Variants in ABCA13 observed in about 807,000 individuals in gnomAD.
The protein encoded by ABCA13 is ATP binding cassette subfamily A member 13.
In ABCA13, 476 loss-of-function variants were observed where a neutral mutation model predicts 478.7. That is an observed-to-expected ratio of 0.99 (90% CI 0.92 to 1.07). The LOEUF (loss-of-function observed/expected upper bound fraction) is 1.07. ABCA13 is among the 50% of genes least tolerant of loss of function. The probability of loss-of-function intolerance (pLI) is 0.00; values close to 1 mark genes in which losing one functional copy is unlikely to be tolerated. For missense variants in ABCA13, 6,060 were observed against 5,910.6 expected (o/e 1.03, Z -0.83); for synonymous variants, 2,252 against 2,158.9 (o/e 1.04, Z -1.20).
At chr7:48,218,091 T>A (rs1786766456) in intron 3 of ABCA13, among the ~76,000 whole-genome samples, 1 of 152,234 alleles carries the variant, frequency 6.6e-6, no homozygotes, top group South Asian at 2.1e-4. Flanking sequence ...TAATGATAGT[T>A]CCTAATTTGG....
At position 48,502,124 on chromosome 7, in the gene ABCA13, A is replaced by C. The variant is rs182568694; in HGVS notation, c.13292-4212A>C. On this transcript the variant is annotated intron_variant, in intron 48 of 61. Coordinates refer to ENST00000435803, the MANE Select transcript of ABCA13 (RefSeq NM_152701.5). ...GCTTCCTTAACACAATTTCACCATC[A>C]GATTACTGAATGAGAAAATGTATTA... 6.5e-3 allele frequency among the ~76,000 whole-genome samples: 994 copies of C among 152,334 alleles called. 8 individuals are homozygous for C. Among genetic ancestry groups the C allele is most frequent in the African/African-American group, 0.022 (932 of 41,588 alleles).
intron 22 of ABCA13, among the ~76,000 whole-genome samples, chr7:48,298,038 C>T (rs1799648915): frequency 1.3e-5 from 2 of 151,878 alleles, no homozygotes; most frequent in South Asian, 4.2e-4. Context: ...CCACCTCGGC[C>T]TCCCAAAGTG....
intron 57 of ABCA13, among the ~76,000 whole-genome samples, chr7:48,587,706 TGGATATGATGTTGAGAGTA>T (rs903049566): frequency 6.6e-6 from 1 of 152,146 alleles, no homozygotes; most frequent in Non-Finnish European, 1.5e-5. Context: ...GAGTGAAGGA[TGGATATGATGTTGAGAGTA>T]GGGAAGAAAA....
At chr7:48,177,341 C>G (rs141737765) in intron 1 of ABCA13, among the ~76,000 whole-genome samples, 140,907 of 152,282 alleles carry the variant, frequency 0.93, 65,912 homozygotes, top group Non-Finnish European at 0.99. Context: ...GAACTAACTA[C>G]TCTTGAACTG....
chr7:48,239,437 A>G, intron 9 of ABCA13, 32 bp downstream of exon 9: 1 of 1,558,064 alleles, frequency 6.4e-7, no homozygotes, highest in South Asian at 1.2e-5. Context: ...TTCTGTTCAA[A>G]GGTGTGCCAG....
intron 3 of ABCA13, among the ~76,000 whole-genome samples, chr7:48,210,246 T>C (rs960420490): frequency 1.3e-5 from 2 of 152,016 alleles, no homozygotes; most frequent in African/African-American, 4.8e-5. Context: ...AAAAAGCCCC[T>C]TATAAAACCG....
intron 1 of ABCA13, among the ~76,000 whole-genome samples, chr7:48,183,244 T>C (rs562595314): frequency 6.6e-6 from 1 of 152,322 alleles, no homozygotes; most frequent in South Asian, 2.1e-4. Flanking sequence ...TTTGTGGTTT[T>C]TAGTTGCAAC....
chr7:48,376,333 G>A, intron 34 of ABCA13, 108 bp from the exon 35 acceptor site: 1 of 1,377,360 alleles, frequency 7.3e-7, no homozygotes, highest in African/African-American at 1.4e-5. Flanking sequence ...TTTTGTTTTA[G>A]TTCTGTTCAA....
intron 39 of ABCA13, 72 bp downstream of exon 39, chr7:48,403,951 A>G: frequency 1.3e-6 from 2 of 1,510,772 alleles, no homozygotes; most frequent in Non-Finnish European, 1.8e-6. Context: ...GCTACTGTAC[A>G]GTAGAATCAA....
chr7:48,398,212 T>G (rs1458732953), intron 38 of ABCA13, among the ~76,000 whole-genome samples: 2 of 152,220 alleles, frequency 1.3e-5, no homozygotes, highest in Admixed American at 6.5e-5. Flanking sequence ...CCTATTGTAA[T>G]TTTTTAAAAT....
chr7:48,509,084 C>T (rs538094932), intron 50 of ABCA13, among the ~76,000 whole-genome samples: 6 of 152,236 alleles, frequency 3.9e-5, no homozygotes, highest in East Asian at 1.9e-4. Context: ...GCCTATCCTT[C>T]GAGATTCTAT....
At chr7:48,492,927 G>A (rs1829970032) in intron 48 of ABCA13, among the ~76,000 whole-genome samples, 1 of 152,110 alleles carries the variant, frequency 6.6e-6, no homozygotes, top group South Asian at 2.1e-4. Context: ...TTGGGAGGCT[G>A]AGGCAGGAGA....
At position 48,309,879 on chromosome 7, in the gene ABCA13, C is replaced by T. The variant is rs986251948; in HGVS notation, c.9322-68C>T. ...GGGCGACTCCCTGCCGATGAAGCTC[C>T]GGTCTGAGGTGGTGAAGCACATGAC... On this transcript the variant is annotated intron_variant, in intron 23 of 61. Coordinates refer to ENST00000435803, the MANE Select transcript of ABCA13 (RefSeq NM_152701.5). 35 of 1,559,652 alleles carry T rather than the reference C, an allele frequency of 2.2e-5. No homozygotes were observed. The South Asian group carries it at 2.3e-4, about 10-fold the overall frequency.
intron 13 of ABCA13, among the ~76,000 whole-genome samples, chr7:48,246,423 T>C (rs1224363549): frequency 6.6e-6 from 1 of 152,172 alleles, no homozygotes. Context: ...CATATTCCTC[T>C]CATGTAACTG....
At chr7:48,369,666 T>C (rs1812328889) in intron 32 of ABCA13, among the ~76,000 whole-genome samples, 2 of 152,170 alleles carry the variant, frequency 1.3e-5, no homozygotes, top group Non-Finnish European at 2.9e-5. Context: ...CCCCACTTTA[T>C]GTTTTTGTTT....
chr7:48,576,330 G>T (rs1788181545), intron 55 of ABCA13, among the ~76,000 whole-genome samples: 1 of 152,148 alleles, frequency 6.6e-6, no homozygotes, highest in Non-Finnish European at 1.5e-5. Context: ...AAGTGATGTA[G>T]GCTCAGTGTG....
chr7:48,612,765 C>T (rs1159629591), intron 58 of ABCA13, among the ~76,000 whole-genome samples: 1 of 152,044 alleles, frequency 6.6e-6, no homozygotes, highest in Non-Finnish European at 1.5e-5. Flanking sequence ...GTAATTACTG[C>T]CAAATTGGTG....
At chr7:48,422,835 G>A (rs1485340070) in intron 41 of ABCA13, among the ~76,000 whole-genome samples, 1 of 152,234 alleles carries the variant, frequency 6.6e-6, no homozygotes, top group African/African-American at 2.4e-5. Flanking sequence ...ATCGAGGAAG[G>A]TCAGAGAGGA....
intron 58 of ABCA13, among the ~76,000 whole-genome samples, chr7:48,602,305 A>G (rs1352064031): frequency 1.3e-5 from 2 of 152,154 alleles, no homozygotes; most frequent in Admixed American, 6.5e-5. Flanking sequence ...GCCCATGCCT[A>G]TGTCGTGAAT....
Sources: gnomAD v4.1 joint callset for allele counts (sites outside exome capture counted in the v4.1 genomes callset) on GRCh38, gnomAD v4.1.1 for gene constraint, MANE v1.5 for transcripts, NCBI Gene and HGNC (gene_info 2026-07-23, HGNC 2026-07-21) for gene names.